Variants in AASDHPPT observed in about 807,000 individuals in gnomAD.
AASDHPPT encodes the protein aminoadipate-semialdehyde dehydrogenase-phosphopantetheinyl transferase.
A neutral mutation model predicts 36.4 loss-of-function variants in AASDHPPT; 23 were observed. The ratio of observed to expected loss-of-function variants is 0.63; its 90% CI spans 0.45 to 0.89. AASDHPPT has a LOEUF of 0.89. Among genes scored for constraint, AASDHPPT ranks in the 40% least tolerant of loss-of-function variants. The pLI, the probability that AASDHPPT is intolerant of heterozygous loss-of-function variation, is 0.00. For missense variants in AASDHPPT, 377 were observed against 378.2 expected, an observed-to-expected ratio of 1.00 and a Z score of 0.03; for synonymous variants, 115 against 128.0, an observed-to-expected ratio of 0.90 and a Z score of 0.68.
chr11:106,082,706 T>C (rs763788927), intron 2 of AASDHPPT, among the ~76,000 whole-genome samples: 7 of 152,150 alleles, frequency 4.6e-5, no homozygotes, highest in Non-Finnish European at 7.3e-5. Context: ...ACATACCTAG[T>C]ATATAGCCTA....
At chr11:106,092,326 A>C (rs892408457) in intron 4 of AASDHPPT, 1 of 152,172 alleles carries the variant, frequency 6.6e-6, no homozygotes, top group African/African-American at 2.4e-5. Flanking sequence ...CAAACGGGCT[A>C]TAGAGCAGTT....
At chr11:106,088,891 G>T (rs1242602571) in intron 2 of AASDHPPT, among the ~76,000 whole-genome samples, 1 of 152,070 alleles carries the variant, frequency 6.6e-6, no homozygotes, top group Non-Finnish European at 1.5e-5. Context: ...AGGATCGGCA[G>T]AAATACTTCC....
In AASDHPPT at chr11:106,079,548, A is replaced by G. The variant is rs746066358; in HGVS notation, c.265A>G (p.Lys89Glu). The change falls in exon 2 of 6, where the codon AAA (lysine) becomes GAA (glutamate). Residue 89 changes from lysine (K) to glutamate (E), a missense_variant. Transcript: ENST00000278618. ...TCATATTCGTTTGCAAAGAACTGCA[A>G]AAGGAAAACCAGTTCTTGCAAAGGA... is the stretch of plus-strand genomic sequence containing the variant. ...WNHIRLQRTA[K>E]GKPVLAKDSS... The G allele has an allele frequency of 1.2e-6, 2 of 1,614,204 alleles. No homozygotes were observed. The highest frequency in any genetic ancestry group is 1.7e-6 in the Non-Finnish European group (2 of 1,180,028).
At position 106,096,649 on chromosome 11, in the gene AASDHPPT, A is replaced by G. The variant is rs938683699; in HGVS notation, c.766-94A>G. 9.0e-6 allele frequency: 9 copies of G among 1,001,636 alleles called. No individual in the cohort carries two copies. In the African/African-American group the frequency reaches 1.5e-4, roughly 17 times the overall value. 62.0% of individuals were successfully genotyped at this position (1,001,636 alleles called of 1,614,324 possible). On this transcript the variant is annotated intron_variant, in intron 5 of 5. Coordinates refer to ENST00000278618, the MANE Select transcript of AASDHPPT (RefSeq NM_015423.3). ...TATGTTGTCATTTAATACTACTGAAATGTAAGTTGGTCTTACTTATTTTCA... is the reference window on the plus strand; with the variant it reads ...TATGTTGTCATTTAATACTACTGAAGTGTAAGTTGGTCTTACTTATTTTCA...
intron 4 of AASDHPPT, chr11:106,092,154 A>G (rs2135044056): frequency 6.6e-6 from 1 of 152,298 alleles, no homozygotes; most frequent in Admixed American, 6.5e-5. Context: ...TGCATGTAAC[A>G]GTTTATAAAC....
chr11:106,077,967 C>A, intron 1 of AASDHPPT, 74 bp downstream of exon 1: 1 of 1,509,834 alleles, frequency 6.6e-7, no homozygotes, highest in African/African-American at 1.4e-5. Context: ...CTGTGGAGAC[C>A]CGACACTCCC....
chr11:106,079,853 A>G (rs1052064365), intron 2 of AASDHPPT, among the ~76,000 whole-genome samples, 161 bp downstream of exon 2: 1 of 152,184 alleles, frequency 6.6e-6, no homozygotes, highest in Non-Finnish European at 1.5e-5. Flanking sequence ...TGAAAAGGGT[A>G]TATTTCCATG....
At chr11:106,085,559 T>A (rs771489540) in intron 2 of AASDHPPT, among the ~76,000 whole-genome samples, 6 of 152,204 alleles carry the variant, frequency 3.9e-5, no homozygotes, top group Non-Finnish European at 8.8e-5. Context: ...GGTGGCAAAT[T>A]TGACAGACAA....
At position 106,077,841 on chromosome 11, in the gene AASDHPPT, A is replaced by AGAAG. The variant is rs1402400966; in HGVS notation, c.134_137dup (p.Arg47GlyfsTer13). The AGAAG allele has an allele frequency of 6.2e-7, 1 of 1,614,136 alleles. No homozygotes were observed. On this transcript the variant is annotated frameshift_variant, in exon 1 of 6. Coordinates refer to ENST00000278618, the MANE Select transcript of AASDHPPT (RefSeq NM_015423.3). LOFTEE classifies it high-confidence loss of function. ...GCAGTGCGATCGATTCAGCCCGAGGAGAAGGAGCGCATTGGCCAGTTCGTC... is the reference window on the plus strand; with the variant it reads ...GCAGTGCGATCGATTCAGCCCGAGGAGAAGGAAGGAGCGCATTGGCCAGTTCGTC...
rs141662559 is a variant in AASDHPPT at position 106,079,518 on chromosome 11, T to G, written c.235T>G (p.Trp79Gly). The change falls in exon 2 of 6, where the codon TGG becomes GGG. Residue 79 changes from tryptophan (W) to glycine (G), a missense_variant. Physicochemically the swap from Trp to Gly is radical, Grantham distance 184 (BLOSUM62 -2). Transcript: ENST00000278618. ...AGTTGCAGAGAAATTGAATATCCCT[T>G]GGAATCATATTCGTTTGCAAAGAAC... ...KLVAEKLNIP[W>G]NHIRLQRTAK... 33 of 1,613,978 alleles carry G rather than the reference T, an allele frequency of 2.0e-5. No homozygotes were observed. The highest frequency in any genetic ancestry group is 2.6e-5 in the Non-Finnish European group (31 of 1,179,990).
At chr11:106,088,342 C>T (rs1248788325) in intron 2 of AASDHPPT, among the ~76,000 whole-genome samples, 1 of 151,848 alleles carries the variant, frequency 6.6e-6, no homozygotes, top group Non-Finnish European at 1.5e-5. Context: ...AAGAAAGCAG[C>T]AAGCAGAATG....
chr11:106,084,600 A>G (rs1861178211), intron 2 of AASDHPPT, among the ~76,000 whole-genome samples: 1 of 151,728 alleles, frequency 6.6e-6, no homozygotes, highest in South Asian at 2.1e-4. Flanking sequence ...CACTGTGCCC[A>G]GCCAATATCA....
At chr11:106,094,955 A>G (rs1336060104) in intron 5 of AASDHPPT, among the ~76,000 whole-genome samples, 1 of 151,962 alleles carries the variant, frequency 6.6e-6, no homozygotes, top group African/African-American at 2.4e-5. Context: ...GAGAAACCCC[A>G]TCTCTACTAA....
rs3832747 is a variant in AASDHPPT at position 106,079,426 on chromosome 11, G to GTAGA, written c.184-40_184-37dup. 1,172 of 1,497,130 alleles carry GTAGA rather than the reference G, an allele frequency of 7.8e-4. 15 individuals carry two copies. In the East Asian group the frequency reaches 0.024, roughly 31 times the overall value. 92.7% of individuals were successfully genotyped at this position (1,497,130 alleles called of 1,614,324 possible). A position where few individuals can be genotyped will look rare whatever the true frequency, so the allele number is the denominator to read the frequency against. Reference sequence around the variant, plus strand: ...TGCATACAGTGTGCTTGTATCTTTAGTAGACATCAGTACATACCAAATGTT... The same window carrying GTAGA: ...TGCATACAGTGTGCTTGTATCTTTAGTAGATAGACATCAGTACATACCAAATGTT... On this transcript the variant is annotated intron_variant, in intron 1 of 5. Transcript: ENST00000278618.
chr11:106,080,641 T>A (rs535546538), intron 2 of AASDHPPT, among the ~76,000 whole-genome samples: 3 of 152,198 alleles, frequency 2.0e-5, no homozygotes, highest in Non-Finnish European at 4.4e-5. Context: ...TTTAATTCTC[T>A]CAACTACCCT....
chr11:106,090,940 T>C (rs192613635), intron 3 of AASDHPPT, among the ~76,000 whole-genome samples: 3 of 152,216 alleles, frequency 2.0e-5, no homozygotes, highest in Admixed American at 2.0e-4. Context: ...ATAAATAATA[T>C]TTTCTGTCAT....
Position 106,082,375 on chromosome 11 carries a change from G to A in AASDHPPT, c.409+2683G>A, listed in dbSNP as rs186595278. On this transcript the variant is annotated intron_variant, in intron 2 of 5. Coordinates refer to ENST00000278618, the MANE Select transcript of AASDHPPT (RefSeq NM_015423.3). ...CTCTACTTATTGTAGTAAGTGAGGA[G>A]ATTGAGCAAGGGATTTTTCCTAAGA... is the stretch of plus-strand genomic sequence containing the variant. Among the ~76,000 whole-genome samples, 13 of 152,336 alleles carry A rather than the reference G, an allele frequency of 8.5e-5. No individual in the cohort carries two copies. In the East Asian group the frequency reaches 2.5e-3, roughly 29 times the overall value.
chr11:106,090,830 TATTAC>T (rs1861248119), intron 3 of AASDHPPT, 152 bp downstream of exon 3: 5 of 1,078,932 alleles, frequency 4.6e-6, no homozygotes, highest in Non-Finnish European at 6.3e-6. Context: ...ATGCATATGG[TATTAC>T]ATTATAATGA....
chr11:106,097,936 C>T lies in AASDHPPT; in HGVS notation c.*1029C>T, dbSNP rs561001456. ...CATTTTGATTATCTGCAGTTTATTACTACAAGCAGTGGCAGAGTGAATGTC... is the reference window on the plus strand; with the variant it reads ...CATTTTGATTATCTGCAGTTTATTATTACAAGCAGTGGCAGAGTGAATGTC... On this transcript the variant is annotated 3_prime_UTR_variant, in exon 6 of 6. Coordinates refer to ENST00000278618, the MANE Select transcript of AASDHPPT (RefSeq NM_015423.3). 1.5e-4 allele frequency: 23 copies of T among 152,244 alleles called. 1 individual carries two copies. The South Asian group carries it at 4.8e-3, about 32-fold the overall frequency. 9.4% of individuals were successfully genotyped at this position (152,244 alleles called of 1,614,324 possible).
Sources: gnomAD v4.1 joint callset for allele counts (sites outside exome capture counted in the v4.1 genomes callset) on GRCh38, gnomAD v4.1.1 for gene constraint, MANE v1.5 for transcripts, NCBI Gene and HGNC (gene_info 2026-07-23, HGNC 2026-07-21) for gene names.